MOB1B: variants seen among roughly 807,000 people sequenced by gnomAD.
The protein encoded by MOB1B is MOB kinase activator 1B.
Under a neutral mutation model 24.4 loss-of-function variants are expected in MOB1B, and 19 were observed. That is an observed-to-expected ratio of 0.78 (90% CI 0.54 to 1.14). MOB1B has a LOEUF of 1.14. Among genes scored for constraint, MOB1B ranks in the 50% most tolerant of loss-of-function variants. The pLI is 0.00. For missense variants in MOB1B, 243 were observed against 259.6 expected, an observed-to-expected ratio of 0.94 and a Z score of 0.44; for synonymous variants, 76 against 82.1, an observed-to-expected ratio of 0.93 and a Z score of 0.40.
intron 1 of MOB1B, among the ~76,000 whole-genome samples, chr4:70,934,004 T>TG (rs1195263269): frequency 2.0e-5 from 3 of 152,078 alleles, no homozygotes; most frequent in Non-Finnish European, 4.4e-5. Context: ...CTGGTCAACA[T>TG]GGCAAAGATC....
chr4:70,903,740 AT>A (rs533278919), intron 1 of MOB1B, among the ~76,000 whole-genome samples: 29 of 147,558 alleles, frequency 2.0e-4, no homozygotes, highest in Non-Finnish European at 2.1e-4. Context: ...CACATCTAGA[AT>A]TTTTTTTTTT....
chr4:70,920,511 CA>C (rs1736391559), intron 1 of MOB1B, among the ~76,000 whole-genome samples: 1 of 152,248 alleles, frequency 6.6e-6, no homozygotes, highest in African/African-American at 2.4e-5. Flanking sequence ...AGGCATGAGC[CA>C]CTGAACCTGG....
intron 2 of MOB1B, among the ~76,000 whole-genome samples, chr4:70,967,381 A>C (rs1381313554): frequency 6.6e-6 from 1 of 152,056 alleles, no homozygotes; most frequent in Non-Finnish European, 1.5e-5. Flanking sequence ...TGGTCCACCC[A>C]CCTCAGCCTC....
At chr4:70,935,330 C>T (rs1225832229) in intron 1 of MOB1B, among the ~76,000 whole-genome samples, 1 of 152,116 alleles carries the variant, frequency 6.6e-6, no homozygotes, top group East Asian at 1.9e-4. Context: ...GGGCAATTCT[C>T]TAGGTTTCAT....
intron 1 of MOB1B, among the ~76,000 whole-genome samples, chr4:70,943,916 T>A (rs1182658576): frequency 6.6e-6 from 1 of 152,046 alleles, no homozygotes; most frequent in South Asian, 2.1e-4. Flanking sequence ...TGAAAAAATA[T>A]ATAAATACAA....
chr4:70,969,457 T>C (rs1400694966), intron 2 of MOB1B, among the ~76,000 whole-genome samples: 1 of 152,242 alleles, frequency 6.6e-6, no homozygotes, highest in Non-Finnish European at 1.5e-5. Flanking sequence ...TGTTGGATTC[T>C]TGCCTTGTTG....
rs1739408307 is a variant in MOB1B at position 70,987,197 on chromosome 4, G to T, written c.*5140G>T. The stretch of plus-strand genomic sequence containing the variant: ...GTTTCAGTTTATTTAGGAAATTAGT[G>T]TTTGACAGCTTTTTTTAAATTATTT... On this transcript the variant is annotated 3_prime_UTR_variant, in exon 6 of 6. Coordinates refer to ENST00000309395, the MANE Select transcript of MOB1B (RefSeq NM_173468.4). 1 of 151,934 alleles carries T rather than the reference G, an allele frequency of 6.6e-6. No individual in the cohort carries two copies. Among genetic ancestry groups the T allele is most frequent in the African/African-American group, 2.4e-5 (1 of 41,402 alleles). 9.4% of individuals were successfully genotyped at this position (151,934 alleles called of 1,614,324 possible). A position where few individuals can be genotyped will look rare whatever the true frequency, so the allele number is the denominator to read the frequency against.
chr4:70,984,459 CAG>C lies in MOB1B; in HGVS notation c.*2405_*2406del, dbSNP rs1229343176. ...TAAGGATCAGTGCTTTGTTCTGCAGCAGAGTTTGCTGATAAATGTCTGTTGGA... is the reference window on the plus strand; with the variant it reads ...TAAGGATCAGTGCTTTGTTCTGCAGCAGTTTGCTGATAAATGTCTGTTGGA... On this transcript the variant is annotated 3_prime_UTR_variant, in exon 6 of 6. Coordinates refer to ENST00000309395, the MANE Select transcript of MOB1B (RefSeq NM_173468.4). The C allele has an allele frequency of 6.6e-6, 1 of 152,112 alleles. No homozygotes were observed. 9.4% of individuals were successfully genotyped at this position (152,112 alleles called of 1,614,324 possible).
intron 1 of MOB1B, among the ~76,000 whole-genome samples, chr4:70,934,474 A>AC (rs1737005993): frequency 6.8e-6 from 1 of 147,168 alleles, no homozygotes; most frequent in Non-Finnish European, 1.5e-5. Context: ...TTCTTTTGAG[A>AC]CCGAGTCTTG....
chr4:70,908,511 A>T (rs1480330748), intron 1 of MOB1B, among the ~76,000 whole-genome samples: 1 of 151,412 alleles, frequency 6.6e-6, no homozygotes, highest in Admixed American at 6.6e-5. Context: ...ACGGTGGCTC[A>T]TGCCTGTAAT....
In MOB1B at chr4:70,921,809, C is replaced by T. The variant is rs540347631; in HGVS notation, c.14+19259C>T. ...GGCGTGAGCCACCGTGCCTGGCCCG[C>T]ATTTCTTTACAATACTTCTTATTTT... On this transcript the variant is annotated intron_variant, in intron 1 of 5. Transcript: ENST00000309395. 9.2e-5 allele frequency among the ~76,000 whole-genome samples: 14 copies of T among 152,100 alleles called. 1 individual carries two copies. The highest frequency in any genetic ancestry group is 3.1e-4 in the African/African-American group (13 of 41,504).
Position 70,926,744 on chromosome 4 carries a change from C to T in MOB1B, c.14+24194C>T, listed in dbSNP as rs1373148157. On this transcript the variant is annotated intron_variant, in intron 1 of 5. Transcript: ENST00000309395. ...AAGATGTGCCGGGCGCAGTGGCTCACGCCTGTAATCCCAGCATTTTGGGAG... is the reference window on the plus strand; with the variant it reads ...AAGATGTGCCGGGCGCAGTGGCTCATGCCTGTAATCCCAGCATTTTGGGAG... 3.3e-5 allele frequency among the ~76,000 whole-genome samples: 5 copies of T among 151,698 alleles called. No individual in the cohort carries two copies. The East Asian group carries it at 5.8e-4, about 18-fold the overall frequency.
chr4:70,929,493 T>A (rs572236325), intron 1 of MOB1B, among the ~76,000 whole-genome samples: 1 of 152,116 alleles, frequency 6.6e-6, no homozygotes, highest in East Asian at 1.9e-4. Context: ...TATTATTTTA[T>A]TTTTGGAGAT....
Position 70,985,439 on chromosome 4 carries a change from T to G in MOB1B, c.*3382T>G, listed in dbSNP as rs1041848007. Reference sequence around the variant, plus strand: ...CATACCATGAAAAGCAGTTTGTTATTATGCAGGAAAATCAGTTTCATCATT... The same window carrying G: ...CATACCATGAAAAGCAGTTTGTTATGATGCAGGAAAATCAGTTTCATCATT... On this transcript the variant is annotated 3_prime_UTR_variant, in exon 6 of 6. Coordinates refer to ENST00000309395, the MANE Select transcript of MOB1B (RefSeq NM_173468.4). 12 of 152,214 alleles carry G rather than the reference T, an allele frequency of 7.9e-5. No individual in the cohort carries two copies. The highest frequency in any genetic ancestry group is 1.3e-4 in the Non-Finnish European group (9 of 68,042). The allele number at this position is 152,214 out of a possible 1,614,324, so 9.4% of individuals were successfully genotyped here. A position where few individuals can be genotyped will look rare whatever the true frequency, so the allele number is the denominator to read the frequency against.
chr4:70,909,361 G>A (rs1444183919), intron 1 of MOB1B, among the ~76,000 whole-genome samples: 1 of 151,836 alleles, frequency 6.6e-6, no homozygotes, highest in Non-Finnish European at 1.5e-5. Context: ...TAATCAAATA[G>A]GCCAGGTGTG....
Position 70,979,126 on chromosome 4 carries a change from AG to A in MOB1B, c.410del. The A allele has an allele frequency of 6.2e-7, 1 of 1,611,844 alleles. No homozygotes were observed. Among genetic ancestry groups the A allele is most frequent in the East Asian group, 2.2e-5 (1 of 44,836 alleles). On this transcript the variant is annotated splice_acceptor_variant, in intron 4 of 5. Transcript: ENST00000309395. LOFTEE classifies it high-confidence loss of function. Reference sequence around the variant, plus strand: ...AGAGGGAGTTGTTTATCTCTTTTCTAGGTGTCCCGTTCCCAAAGAATTTCAT... The same window carrying A: ...AGAGGGAGTTGTTTATCTCTTTTCTAGTGTCCCGTTCCCAAAGAATTTCAT...
chr4:70,961,547 G>A lies in MOB1B; in HGVS notation c.181+2507G>A, dbSNP rs185187833. 8.6e-4 allele frequency among the ~76,000 whole-genome samples: 131 copies of A among 152,314 alleles called. 1 individual carries two copies. The Middle Eastern group carries it at 0.017, about 20-fold the overall frequency. On this transcript the variant is annotated intron_variant, in intron 2 of 5. Transcript: ENST00000309395. ...GATAAAGGAGGACTACTGTACTACTGAAACGCCTAGAACTTTGAGAACTCT... is the reference window on the plus strand; with the variant it reads ...GATAAAGGAGGACTACTGTACTACTAAAACGCCTAGAACTTTGAGAACTCT...
chr4:70,982,071 TG>T lies in MOB1B; in HGVS notation c.*15del. The T allele has an allele frequency of 6.3e-7, 1 of 1,581,128 alleles. No individual in the cohort carries two copies. Among genetic ancestry groups the T allele is most frequent in the Non-Finnish European group, 8.7e-7 (1 of 1,151,674 alleles). ...AAAGACAGATAAAAGGATGCAGAGC[TG>T]TGCAAATTGTTCCTCAAATGAAGCA... On this transcript the variant is annotated 3_prime_UTR_variant, in exon 6 of 6. Transcript: ENST00000309395.
rs758417467 is a variant in MOB1B at position 70,975,113 on chromosome 4, T to C, written c.276-40T>C. On this transcript the variant is annotated intron_variant, in intron 3 of 5. Transcript: ENST00000309395. Reference sequence around the variant, plus strand: ...AAAATATATACACTGTGTATAGGTATATACTAATCTTCTGTGTGCTTTTTA... The same window carrying C: ...AAAATATATACACTGTGTATAGGTACATACTAATCTTCTGTGTGCTTTTTA... 17 of 1,524,680 alleles carry C rather than the reference T, an allele frequency of 1.1e-5. No homozygotes were observed. The East Asian group carries it at 3.6e-4, about 32-fold the overall frequency. The allele number at this position is 1,524,680 out of a possible 1,614,324, so 94.4% of individuals were successfully genotyped here.
Sources: gnomAD v4.1 joint callset for allele counts (sites outside exome capture counted in the v4.1 genomes callset) on GRCh38, gnomAD v4.1.1 for gene constraint, MANE v1.5 for transcripts, NCBI Gene and HGNC (gene_info 2026-07-23, HGNC 2026-07-21) for gene names.